Variants in CEACAM1 observed in about 807,000 individuals in gnomAD.
CEACAM1 encodes the protein cell adhesion molecule CEACAM1.
In CEACAM1, 31 loss-of-function variants were observed where a neutral mutation model predicts 49.1. That is an observed-to-expected ratio of 0.63 (90% confidence interval 0.47 to 0.85). The LOEUF (loss-of-function observed/expected upper bound fraction) is 0.85, where lower values mean the gene tolerates loss of function less well. CEACAM1 is among the 40% of genes least tolerant of loss of function. The pLI, the probability that CEACAM1 is intolerant of heterozygous loss-of-function variation, is 0.00. For missense variants in CEACAM1, 570 were observed against 645.3 expected (o/e 0.88, Z 1.26); for synonymous variants, 244 against 247.8 (o/e 0.98, Z 0.14).
chr19:42,515,069 G>T (rs1356252297), intron 5 of CEACAM1: 1 of 670,860 alleles, frequency 1.5e-6, no homozygotes, highest in Non-Finnish European at 2.7e-6. Context: ...AGGAGTTCGA[G>T]TCCAGCCTGG....
At chr19:42,518,351 C>T (rs529218335) in intron 5 of CEACAM1, among the ~76,000 whole-genome samples, 3 of 151,934 alleles carry the variant, frequency 2.0e-5, no homozygotes, top group South Asian at 4.2e-4. Flanking sequence ...GGGATTGAGG[C>T]GGGAGTGAGC....
chr19:42,513,915 T>TATATATATATATATATAAATAA (rs1432939598), intron 5 of CEACAM1, among the ~76,000 whole-genome samples: 114 of 129,752 alleles, frequency 8.8e-4, no homozygotes, highest in African/African-American at 3.8e-3. Flanking sequence ...TATATATATA[T>TATATATATATATATATAAATAA]ATAATATATA....
rs187120705 is a variant in CEACAM1 at position 42,519,068 on chromosome 19, G to C, written c.1126C>G (p.Gln376Glu). Reference sequence around the variant, plus strand: ...TTTATGCTGAGGGTGGTGTTGCCCTGGGACAGCTTCATCCTCTCCGAGGAC... The same window carrying C: ...TTTATGCTGAGGGTGGTGTTGCCCTCGGACAGCTTCATCCTCTCCGAGGAC... ...LPSSERMKLSQGNTTLSINPV... is the reference protein window; with the variant it reads ...LPSSERMKLSEGNTTLSINPV... Residue 376 changes from glutamine to glutamate, a missense_variant, in exon 5 of 9, where the codon CAG becomes GAG. Gln to Glu is a conservative substitution (Grantham distance 29). Coordinates refer to ENST00000161559, the MANE Select transcript of CEACAM1 (RefSeq NM_001712.5). The C allele has an allele frequency of 1.1e-4, 173 of 1,614,144 alleles. 1 individual carries two copies. In the East Asian group the frequency reaches 3.1e-3, roughly 29 times the overall value.
At chr19:42,512,990 T>C (rs1426496639) in intron 5 of CEACAM1, among the ~76,000 whole-genome samples, 1 of 152,226 alleles carries the variant, frequency 6.6e-6, no homozygotes, top group Non-Finnish European at 1.5e-5. Context: ...TCTAGGTTGA[T>C]GATCTCTCTT....
rs1360275105 is a variant in CEACAM1, at chr19:42,527,504, A to AGAGTGTGT, written c.65-105_65-104insACACACTC. On this transcript the variant is annotated intron_variant, in intron 1 of 8. Transcript: ENST00000161559. ...AGGTGTCTTCACCCCTCCACCTTGG[A>AGAGTGTGT]GTGTGTGTGTGTGTGTGTGTGTGTG... 106 of 715,634 alleles carry AGAGTGTGT rather than the reference A, an allele frequency of 1.5e-4. No homozygotes were observed. The South Asian group carries it at 2.6e-3, about 18-fold the overall frequency. 44.3% of individuals were successfully genotyped at this position (715,634 alleles called of 1,614,324 possible). A position where few individuals can be genotyped will look rare whatever the true frequency, so the allele number is the denominator to read the frequency against.
At chr19:42,523,584 A>C (rs181569062) in intron 2 of CEACAM1, among the ~76,000 whole-genome samples, 22 of 152,338 alleles carry the variant, frequency 1.4e-4, no homozygotes, top group African/African-American at 5.3e-4. Context: ...TTTCTGAAAT[A>C]TGTGGGTTTT....
rs1298884305 is a variant in CEACAM1 at position 42,521,352 on chromosome 19, C to T, written c.873G>A (p.Val291=). 1 of 1,614,032 alleles carries T rather than the reference C, an allele frequency of 6.2e-7. No homozygotes were observed. Among genetic ancestry groups the T allele is most frequent in the African/African-American group, 1.3e-5 (1 of 74,926 alleles). Residue 291 remains valine, a synonymous_variant, in exon 4 of 9, where the codon GTG becomes GTA. Transcript: ENST00000161559. ...TQELFIPNIT[V]NNSGSYTCHA... The stretch of plus-strand genomic sequence containing the variant: ...GGCAGGTATAGGATCCACTATTATT[C>T]ACAGTGATGTTAGGGATAAAGAGCT...
In CEACAM1 at chr19:42,508,768, T is replaced by G. The variant is rs1600206503; in HGVS notation, c.*341A>C. ...TAGAGTGATAGGACAGGACTGGGGG[T>G]GGGAAGGAATGAGTGCTCTGAACAG... On this transcript the variant is annotated 3_prime_UTR_variant, in exon 9 of 9. Transcript: ENST00000161559. The G allele has an allele frequency of 8.2e-6, 2 of 243,770 alleles. No individual in the cohort carries two copies. The highest frequency in any genetic ancestry group is 1.6e-5 in the Non-Finnish European group (2 of 124,754). The allele number at this position is 243,770 out of a possible 1,614,324, so 15.1% of individuals were successfully genotyped here.
Position 42,521,376 on chromosome 19 carries a change from C to G in CEACAM1, c.849G>C (p.Glu283Asp). Residue 283 changes from glutamate to aspartate, a missense_variant, in exon 4 of 9, where the codon GAG (glutamate) becomes GAC (aspartate). Coordinates refer to ENST00000161559, the MANE Select transcript of CEACAM1 (RefSeq NM_001712.5). ...TCACAGTGATGTTAGGGATAAAGAG[C>G]TCTTGTGTGCTTTGCTGGAATGTTC... ...INGTFQQSTQ[E>D]LFIPNITVNN... 2 of 1,614,188 alleles carry G rather than the reference C, an allele frequency of 1.2e-6. No homozygotes were observed. Among genetic ancestry groups the G allele is most frequent in the Non-Finnish European group, 1.7e-6 (2 of 1,180,032 alleles).
intron 4 of CEACAM1, chr19:42,520,569 C>T (rs1404829881): frequency 2.0e-5 from 3 of 152,194 alleles, no homozygotes; most frequent in Non-Finnish European, 4.4e-5. Context: ...GGAGTTTTGC[C>T]ATGTTGGTCA....
rs776216021 is a variant in CEACAM1, at chr19:42,508,738, C to T, written c.*371G>A. 1.1e-4 allele frequency: 22 copies of T among 193,178 alleles called. No individual in the cohort carries two copies. Among genetic ancestry groups the T allele is most frequent in the Non-Finnish European group, 1.6e-4 (15 of 93,180 alleles). The allele number at this position is 193,178 out of a possible 1,614,324, so 12.0% of individuals were successfully genotyped here. A position where few individuals can be genotyped will look rare whatever the true frequency, so the allele number is the denominator to read the frequency against. ...CATAACCTCAAGGCTATGGCAAATC[C>T]GAATTAGAGTGATAGGACAGGACTG... On this transcript the variant is annotated 3_prime_UTR_variant, in exon 9 of 9. Coordinates refer to ENST00000161559, the MANE Select transcript of CEACAM1 (RefSeq NM_001712.5).
intron 5 of CEACAM1, among the ~76,000 whole-genome samples, chr19:42,517,162 C>T (rs977527476): frequency 9.9e-5 from 15 of 152,066 alleles, no homozygotes; most frequent in African/African-American, 3.6e-4. Flanking sequence ...TATGTAACAC[C>T]ATATATAAAA....
At chr19:42,524,540 G>A (rs1267212972) in intron 2 of CEACAM1, among the ~76,000 whole-genome samples, 1 of 152,216 alleles carries the variant, frequency 6.6e-6, no homozygotes, top group Non-Finnish European at 1.5e-5. Context: ...GATGGACCTG[G>A]CAGGGGTGGC....
rs141326734 is a variant in CEACAM1, at chr19:42,513,307, C to G, written c.1247-828G>C. Among the ~76,000 whole-genome samples, 281 of 152,190 alleles carry G rather than the reference C, an allele frequency of 1.8e-3. 1 individual carries two copies. Among genetic ancestry groups the G allele is most frequent in the African/African-American group, 6.6e-3 (276 of 41,540 alleles). On this transcript the variant is annotated intron_variant, in intron 5 of 8. Transcript: ENST00000161559. ...CAGCCTTGCAGAAATGCTCTTAGAA[C>G]TGCACTGCAGGCCGGGCGCGGTGGC...
chr19:42,519,093 C>T lies in CEACAM1; in HGVS notation c.1101G>A (p.Pro367=), dbSNP rs144289147. 4.0e-5 allele frequency: 64 copies of T among 1,614,024 alleles called. No individual in the cohort carries two copies. The highest frequency in any genetic ancestry group is 3.9e-4 in the African/African-American group (29 of 74,912). Residue 367 remains proline, a synonymous_variant, in exon 5 of 9, where the codon CCG becomes CCA. Coordinates refer to ENST00000161559, the MANE Select transcript of CEACAM1 (RefSeq NM_001712.5). ...IRWFFKNQSL[P]SSERMKLSQG... ...GGGACAGCTTCATCCTCTCCGAGGA[C>T]GGGAGACTCTGGTTTTTGAAGAACC... is the stretch of plus-strand genomic sequence containing the variant.
chr19:42,525,224 A>ATTTT (rs538996240), intron 2 of CEACAM1, among the ~76,000 whole-genome samples: 2 of 131,092 alleles, frequency 1.5e-5, no homozygotes, highest in Non-Finnish European at 3.3e-5. Context: ...AGGCCTGAAC[A>ATTTT]TTTTTTTTTT....
At chr19:42,512,052 T>G (rs1197219314) in intron 6 of CEACAM1, among the ~76,000 whole-genome samples, 2 of 152,200 alleles carry the variant, frequency 1.3e-5, no homozygotes, top group African/African-American at 2.4e-5. Context: ...CTTCTTTCAT[T>G]TTTTCATTTG....
chr19:42,509,190 G>C lies in CEACAM1; in HGVS notation c.1500C>G (p.Ala500=), dbSNP rs148127433. 6.2e-7 allele frequency: 1 copy of C among 1,613,548 alleles called. No homozygotes were observed. Residue 500 remains alanine (A), a synonymous_variant, in exon 9 of 9, where the codon GCC becomes GCG. Coordinates refer to ENST00000161559, the MANE Select transcript of CEACAM1 (RefSeq NM_001712.5). The part of the protein sequence containing the change: ...EVTYSTLNFE[A]QQPTQPTSAS... ...CTGAAGTTGGTTGTGTGGGTTGCTG[G>C]GCTTCAAAGTTCAGGGTAGAATAAG... is the stretch of plus-strand genomic sequence containing the variant.
In CEACAM1 at chr19:42,511,626, G is replaced by A; in HGVS notation, c.1379C>T (p.Ala460Val). ...CFLHFGKTGR[A>V]SDQRDLTEHK... ...CTCTGTGAGATCACGCTGGTCGCTT[G>A]CCCTAAATAAATATCAGAAACTGTG... Residue 460 changes from alanine to valine, a missense_variant and splice_region_variant, in exon 7 of 9, where the codon GCA becomes GTA. Coordinates refer to ENST00000161559, the MANE Select transcript of CEACAM1 (RefSeq NM_001712.5). 6.2e-7 allele frequency: 1 copy of A among 1,613,872 alleles called. No homozygotes were observed. Among genetic ancestry groups the A allele is most frequent in the Non-Finnish European group, 8.5e-7 (1 of 1,179,888 alleles).
Sources: gnomAD v4.1 joint callset for allele counts (sites outside exome capture counted in the v4.1 genomes callset) on GRCh38, gnomAD v4.1.1 for gene constraint, MANE v1.5 for transcripts, NCBI Gene and HGNC (gene_info 2026-07-23, HGNC 2026-07-21) for gene names.